USP49: variants seen among roughly 807,000 people sequenced by gnomAD.
USP49 encodes the protein ubiquitin specific peptidase 49.
In USP49, 24 loss-of-function variants were observed where a neutral mutation model predicts 58.6. That is an observed-to-expected ratio of 0.41 (90% CI 0.30 to 0.58). The LOEUF (loss-of-function observed/expected upper bound fraction) is 0.58. Ranked by LOEUF, USP49 falls within the 20% of genes least tolerant of loss-of-function variation. The pLI is 0.30. For synonymous variants in USP49, 408 were observed against 365.1 expected, an observed-to-expected ratio of 1.12 and a Z score of -1.34; for missense variants, 703 against 866.1, an observed-to-expected ratio of 0.81 and a Z score of 2.36.
chr6:41,816,413 T>C (rs1773351113), intron 3 of USP49, among the ~76,000 whole-genome samples: 1 of 152,208 alleles, frequency 6.6e-6, no homozygotes, highest in Admixed American at 6.5e-5. Flanking sequence ...AAACATTCTC[T>C]TGAATTTTAG....
intron 3 of USP49, among the ~76,000 whole-genome samples, chr6:41,870,161 A>G (rs1022487901): frequency 6.6e-6 from 1 of 152,256 alleles, no homozygotes; most frequent in African/African-American, 2.4e-5. Context: ...GTTAACATTT[A>G]CTAAACACTT....
At position 41,842,603 on chromosome 6, in the gene USP49, G is replaced by A. The variant is rs137983120; in HGVS notation, c.-29+28961C>T. ...AATGTGAATGTATTCTACAAGGAGA[G>A]CCATGCCCTAAAAGAAAAAAAACCT... is the stretch of plus-strand genomic sequence containing the variant. On this transcript the variant is annotated intron_variant, in intron 3 of 7. Transcript: ENST00000682992. Among the ~76,000 whole-genome samples, 421 of 152,082 alleles carry A rather than the reference G, an allele frequency of 2.8e-3. 3 individuals carry two copies. The highest frequency in any genetic ancestry group is 9.7e-3 in the African/African-American group (404 of 41,496).
At chr6:41,855,321 C>G (rs1338553213) in intron 3 of USP49, among the ~76,000 whole-genome samples, 3 of 151,138 alleles carry the variant, frequency 2.0e-5, no homozygotes, top group African/African-American at 7.3e-5. Flanking sequence ...TCAAGGCCTG[C>G]CTGACCAACA....
At chr6:41,858,056 T>C (rs1273397844) in intron 3 of USP49, among the ~76,000 whole-genome samples, 2 of 152,162 alleles carry the variant, frequency 1.3e-5, no homozygotes, top group Non-Finnish European at 2.9e-5. Context: ...TGGCATTGTG[T>C]ATCAGGGAGC....
Position 41,848,592 on chromosome 6 carries a change from C to T in USP49, c.-29+22972G>A, listed in dbSNP as rs187519854. The stretch of plus-strand genomic sequence containing the variant: ...GGTCTTCCCTGGCCGGGTGCAGTGG[C>T]TCACACCTGTAATCCCCGCACTTTG... On this transcript the variant is annotated intron_variant, in intron 3 of 7. Transcript: ENST00000682992. Among the ~76,000 whole-genome samples, 11 of 152,100 alleles carry T rather than the reference C, an allele frequency of 7.2e-5. No homozygotes were observed. In the East Asian group the frequency reaches 1.5e-3, roughly 21 times the overall value.
intron 2 of USP49, among the ~76,000 whole-genome samples, chr6:41,874,990 A>C (rs1253055618): frequency 3.3e-5 from 5 of 151,938 alleles, no homozygotes; most frequent in Non-Finnish European, 7.4e-5. Flanking sequence ...GAGAGAAAGA[A>C]AGAAAGAGAG....
At position 41,863,338 on chromosome 6, in the gene USP49, T is replaced by G. The variant is rs568225343; in HGVS notation, c.-29+8226A>C. Among the ~76,000 whole-genome samples the G allele has an allele frequency of 3.3e-5, 5 of 152,312 alleles. No homozygotes were observed. In the South Asian group the frequency reaches 1.0e-3, roughly 32 times the overall value. Reference sequence around the variant, plus strand: ...GAATTCAAATGCTCCCCTTGTTTCTTGACTTCTTGAACCTAGTCACCCTCC... The same window carrying G: ...GAATTCAAATGCTCCCCTTGTTTCTGGACTTCTTGAACCTAGTCACCCTCC... On this transcript the variant is annotated intron_variant, in intron 3 of 7. Coordinates refer to ENST00000682992, the MANE Select transcript of USP49 (RefSeq NM_001286554.2).
chr6:41,796,539 A>G lies in USP49; in HGVS notation c.2061T>C (p.Phe687=), dbSNP rs1772890276. 1 of 717,204 alleles carries G rather than the reference A, an allele frequency of 1.4e-6. No homozygotes were observed. The highest frequency in any genetic ancestry group is 2.6e-6 in the Non-Finnish European group (1 of 385,034). The allele number at this position is 717,204 out of a possible 1,614,324, so 44.4% of individuals were successfully genotyped here. A position where few individuals can be genotyped will look rare whatever the true frequency, so the allele number is the denominator to read the frequency against. ...TTTGATACATGCCTCCCATTCAGGA[A>G]AATGTCTGTGGTCTGCCTTCATCAT... The part of the protein sequence containing the change: ...SNNDEGRPQT[F]S The change falls in exon 8 of 8, where the codon TTT becomes TTC. Residue 687 remains phenylalanine (F), a synonymous_variant. Coordinates refer to ENST00000682992, the MANE Select transcript of USP49 (RefSeq NM_001286554.2).
intron 3 of USP49, among the ~76,000 whole-genome samples, chr6:41,863,851 G>C (rs139844154): frequency 2.0e-5 from 3 of 152,028 alleles, no homozygotes; most frequent in Non-Finnish European, 2.9e-5. Flanking sequence ...TGACCTCCTC[G>C]GGCTCAGGTG....
chr6:41,883,724 G>A (rs1030858054), intron 2 of USP49, among the ~76,000 whole-genome samples: 7 of 152,038 alleles, frequency 4.6e-5, no homozygotes, highest in African/African-American at 7.2e-5. Context: ...TGGGAGGGGC[G>A]GTTATAGGAA....
intron 3 of USP49, among the ~76,000 whole-genome samples, chr6:41,811,457 T>C (rs1437036197): frequency 1.3e-5 from 2 of 152,202 alleles, no homozygotes; most frequent in Admixed American, 1.3e-4. Flanking sequence ...GGTATGTATG[T>C]ACAGGAAAAA....
intron 3 of USP49, among the ~76,000 whole-genome samples, chr6:41,835,373 T>C (rs144288633): frequency 7.2e-5 from 11 of 152,230 alleles, no homozygotes; most frequent in African/African-American, 2.6e-4. Context: ...TAGTCAAGTA[T>C]GGAAAATGGA....
chr6:41,805,389 T>C (rs1773091409), intron 4 of USP49, among the ~76,000 whole-genome samples: 2 of 152,166 alleles, frequency 1.3e-5, no homozygotes, highest in Admixed American at 1.3e-4. Context: ...AGATATTCAC[T>C]GAAAATTAAG....
In USP49 at chr6:41,806,367, C is replaced by A. The variant is rs933864216; in HGVS notation, c.617G>T (p.Arg206Leu). ...LLEELASTPP[R>L]KSARLLLHTP... ...GTGCAGGAGCAGCCGTGCACTCTTG[C>A]GCGGAGGGGTGCTGGCCAGCTCCTC... The change falls in exon 4 of 8, where the codon CGC (arginine) becomes CTC (leucine). Residue 206 changes from arginine to leucine, a missense_variant. This residue lies in a region of USP49 where 376 missense variants were observed against 373.5 expected (regional missense o/e 1.01). Coordinates refer to ENST00000682992, the MANE Select transcript of USP49 (RefSeq NM_001286554.2). This position sits in a 1 kb window ranked among gnomAD's most constrained non-coding sequence, Gnocchi z 5.9. 2 of 1,535,972 alleles carry A rather than the reference C, an allele frequency of 1.3e-6. No homozygotes were observed. Among genetic ancestry groups the A allele is most frequent in the Non-Finnish European group, 8.7e-7 (1 of 1,152,144 alleles).
intron 3 of USP49, among the ~76,000 whole-genome samples, chr6:41,853,871 T>C (rs1298927237): frequency 6.6e-6 from 1 of 151,586 alleles, no homozygotes; most frequent in Non-Finnish European, 1.5e-5. Context: ...AGGTGGTGCA[T>C]GCCTGTAATC....
intron 3 of USP49, among the ~76,000 whole-genome samples, chr6:41,867,789 C>CA (rs1397700772): frequency 6.6e-6 from 1 of 151,936 alleles, no homozygotes; most frequent in Non-Finnish European, 1.5e-5. Flanking sequence ...AACAAACAAA[C>CA]AAAATATGTC....
At chr6:41,805,188 C>A (rs953852315) in intron 4 of USP49, among the ~76,000 whole-genome samples, 21 of 152,176 alleles carry the variant, frequency 1.4e-4, no homozygotes, top group Admixed American at 1.4e-3. Flanking sequence ...TTGCACTGGC[C>A]TTTAGCATGC....
At chr6:41,846,768 A>AC (rs1773931050) in intron 3 of USP49, among the ~76,000 whole-genome samples, 2 of 140,456 alleles carry the variant, frequency 1.4e-5, no homozygotes, top group African/African-American at 2.7e-5. Flanking sequence ...AGTTGGAGGA[A>AC]ACCCCCCCCA....
chr6:41,874,533 C>A (rs558650992), intron 2 of USP49, among the ~76,000 whole-genome samples: 17 of 152,278 alleles, frequency 1.1e-4, no homozygotes, highest in African/African-American at 4.1e-4. Flanking sequence ...CATATATTAA[C>A]AAATTCAATC....
Sources: allele counts gnomAD v4.1 joint callset (sites outside exome capture counted in the v4.1 genomes callset), GRCh38; gene constraint gnomAD v4.1.1; regional missense constraint gnomAD v4.1.1; non-coding constraint Gnocchi (gnomAD v3.1); transcripts MANE v1.5; gene names NCBI Gene and HGNC (gene_info 2026-07-23, HGNC 2026-07-21).